GINS2: variants seen among roughly 807,000 people sequenced by gnomAD.
The protein encoded by GINS2 is GINS complex subunit 2.
A neutral mutation model predicts 21.2 loss-of-function variants in GINS2; 23 were observed. That is an observed-to-expected ratio of 1.08 (90% CI 0.78 to 1.53). The LOEUF (loss-of-function observed/expected upper bound fraction) is 1.53. Among genes scored for constraint, GINS2 ranks in the 40% most tolerant of loss-of-function variants. The pLI, the probability that GINS2 is intolerant of heterozygous loss-of-function variation, is 0.00. For missense variants in GINS2, 323 were observed against 233.9 expected (o/e 1.38, Z -2.49); for synonymous variants, 118 against 85.6 (o/e 1.38, Z -2.09).
At chr16:85,686,457 T>C (rs1390730180) in intron 2 of GINS2, among the ~76,000 whole-genome samples, 1 of 151,928 alleles carries the variant, frequency 6.6e-6, no homozygotes, top group Non-Finnish European at 1.5e-5. Flanking sequence ...GTAGCACTTG[T>C]GGGCTATTAA....
chr16:85,688,442 AG>A (rs1396169536), intron 1 of GINS2, among the ~76,000 whole-genome samples: 1 of 151,982 alleles, frequency 6.6e-6, no homozygotes, highest in Non-Finnish European at 1.5e-5. Context: ...GCTACTCAGG[AG>A]GCTGAGGCAG....
At chr16:85,680,092 A>G (rs1263400323) in intron 3 of GINS2, among the ~76,000 whole-genome samples, 4 of 152,172 alleles carry the variant, frequency 2.6e-5, no homozygotes, top group African/African-American at 7.2e-5. Flanking sequence ...ATGGACTGTC[A>G]AGAGCATTGG....
chr16:85,684,934 G>A (rs969979997), intron 2 of GINS2, among the ~76,000 whole-genome samples: 14 of 151,670 alleles, frequency 9.2e-5, no homozygotes, highest in African/African-American at 2.9e-4. Context: ...GATTACAGGC[G>A]CCCACCAAAC....
rs372512257 is a variant in GINS2, at chr16:85,678,237, T to C, written c.533A>G (p.Glu178Gly). The C allele has an allele frequency of 2.5e-6, 4 of 1,613,442 alleles. No individual in the cohort carries two copies. In the African/African-American group the frequency reaches 5.3e-5, roughly 22 times the overall value. ...YKLRTNLQPL[E>G]STQSQDF ...CTAGAAGTCCTGAGACTGAGTACTC[T>C]CCAGAGGCTGGAGGTTCGTGCGGAG... Residue 178 changes from glutamate to glycine, a missense_variant, in exon 5 of 5, where the codon GAG becomes GGG. Transcript: ENST00000253462.
intron 2 of GINS2, among the ~76,000 whole-genome samples, chr16:85,683,297 C>A (rs544530498): frequency 2.6e-5 from 4 of 152,066 alleles, no homozygotes; most frequent in African/African-American, 9.7e-5. Context: ...CAGCTCCCAA[C>A]CCCTTTCTTC....
chr16:85,680,282 G>T (rs1181994644), intron 3 of GINS2, among the ~76,000 whole-genome samples: 1 of 152,194 alleles, frequency 6.6e-6, no homozygotes, highest in Non-Finnish European at 1.5e-5. Flanking sequence ...ACAAGCCCAT[G>T]TTGTGTCCCC....
rs377677728 is a variant in GINS2 at position 85,678,276 on chromosome 16, T to A, written c.494A>T (p.Asn165Ile). 3.7e-6 allele frequency: 6 copies of A among 1,612,776 alleles called. No homozygotes were observed. In the African/African-American group the frequency reaches 8.0e-5, roughly 22 times the overall value. ...GTTCGTGCGGAGTTTGTACATGTGG[T>A]TGAGCGCTTGTGTGAGGAAAGTCCC... Reference protein sequence around the residue: ...TSGTFLTQALNHMYKLRTNLQ... With the variant: ...TSGTFLTQALIHMYKLRTNLQ... The change falls in exon 5 of 5, where the codon AAC becomes ATC. Residue 165 changes from asparagine to isoleucine, a missense_variant. Coordinates refer to ENST00000253462, the MANE Select transcript of GINS2 (RefSeq NM_016095.3).
rs1032210283 is a variant in GINS2, at chr16:85,678,018, A to C, written c.*194T>G. 3.9e-5 allele frequency: 20 copies of C among 518,398 alleles called. No homozygotes were observed. Among genetic ancestry groups the C allele is most frequent in the Non-Finnish European group, 6.5e-5 (19 of 293,754 alleles). The allele number at this position is 518,398 out of a possible 1,614,324, so 32.1% of individuals were successfully genotyped here. A position where few individuals can be genotyped will look rare whatever the true frequency, so the allele number is the denominator to read the frequency against. ...GTTTCTAGAAACAGATGTGGAATTG[A>C]AGAATGTCCCAGGGAGCTAAGTTTT... On this transcript the variant is annotated 3_prime_UTR_variant, in exon 5 of 5. Transcript: ENST00000253462.
Position 85,688,851 on chromosome 16 carries a change from G to A in GINS2, c.48C>T (p.Thr16=), listed in dbSNP as rs114568141. 6.5e-6 allele frequency: 10 copies of A among 1,546,146 alleles called. 1 individual carries two copies. The Admixed American group carries it at 7.9e-5, about 12-fold the overall frequency. The change falls in exon 1 of 5, where the codon ACC becomes ACT. Residue 16 remains threonine, a synonymous_variant. Coordinates refer to ENST00000253462, the MANE Select transcript of GINS2 (RefSeq NM_016095.3). ...VEFLAEKELV[T]IIPNFSLDKI... ...TGTCCAGACTGAAGTTGGGGATAAT[G>A]GTAACCAGCTCCTTCTCGGCGAGGA...
chr16:85,681,609 A>T lies in GINS2; in HGVS notation c.278T>A (p.Met93Lys). ...ATTTAACAGGAGCTTCGTAAGTTCCATGTAGTAAGGGCTGGGCATTGGGGT... is the reference window on the plus strand; with the variant it reads ...ATTTAACAGGAGCTTCGTAAGTTCCTTGTAGTAAGGGCTGGGCATTGGGGT... The part of the protein sequence containing the change: ...TFTPMPSPYY[M>K]ELTKLLLNHA... Residue 93 changes from methionine (M) to lysine (K), a missense_variant, in exon 3 of 5, where the codon ATG (methionine) becomes AAG (lysine). Met to Lys is a moderately conservative substitution (Grantham distance 95, BLOSUM62 -1). Transcript: ENST00000253462. 6.2e-7 allele frequency: 1 copy of T among 1,610,726 alleles called. No individual in the cohort carries two copies. Among genetic ancestry groups the T allele is most frequent in the Non-Finnish European group, 8.5e-7 (1 of 1,177,070 alleles).
At chr16:85,688,772 C>T (rs1288321579) in intron 1 of GINS2, 37 bp downstream of exon 1, 2 of 1,360,798 alleles carry the variant, frequency 1.5e-6, no homozygotes, top group East Asian at 5.9e-5. Flanking sequence ...ACGCGCCCAG[C>T]CCGGCCTCCC....
Position 85,685,854 on chromosome 16 carries a change from C to T in GINS2, c.205+1606G>A, listed in dbSNP as rs557393278. Among the ~76,000 whole-genome samples the T allele has an allele frequency of 7.3e-5, 11 of 151,428 alleles. No homozygotes were observed. In the South Asian group the frequency reaches 2.1e-3, roughly 29 times the overall value. ...AGCTCTTGCTTCTAGGAGGTAGGTACCCCCAATAAGTCCCAGTAAGGAGGG... is the reference window on the plus strand; with the variant it reads ...AGCTCTTGCTTCTAGGAGGTAGGTATCCCCAATAAGTCCCAGTAAGGAGGG... On this transcript the variant is annotated intron_variant, in intron 2 of 4. Transcript: ENST00000253462.
Position 85,677,770 on chromosome 16 carries a change from C to T in GINS2, c.*442G>A, listed in dbSNP as rs976653288. 1 of 159,846 alleles carries T rather than the reference C, an allele frequency of 6.3e-6. No homozygotes were observed. The highest frequency in any genetic ancestry group is 2.4e-5 in the African/African-American group (1 of 41,474). 9.9% of individuals were successfully genotyped at this position (159,846 alleles called of 1,614,324 possible). ...ATCTGCCATCCTTCTCTGTGAGCCA[C>T]CTCTGTGAGAGAGTCTAAATTCAGC... On this transcript the variant is annotated 3_prime_UTR_variant, in exon 5 of 5. Transcript: ENST00000253462.
intron 1 of GINS2, 59 bp from the exon 2 acceptor site, chr16:85,687,633 T>C (rs2053789162): frequency 1.1e-6 from 1 of 945,722 alleles, no homozygotes; most frequent in Non-Finnish European, 1.6e-6. Context: ...AGCATTACTG[T>C]GCGTTACTGC....
chr16:85,678,710 C>T (rs1178757498), intron 3 of GINS2, 44 bp from the exon 4 acceptor site: 1 of 1,594,978 alleles, frequency 6.3e-7, no homozygotes, highest in Non-Finnish European at 8.6e-7. Flanking sequence ...CACTTGATAA[C>T]CTGAGGCAAT....
At chr16:85,686,969 TA>T (rs2053782677) in intron 2 of GINS2, among the ~76,000 whole-genome samples, 1 of 152,262 alleles carries the variant, frequency 6.6e-6, no homozygotes, top group Non-Finnish European at 1.5e-5. Context: ...CTCACGCCTA[TA>T]ATCCCAGCAG....
At chr16:85,688,438 C>G (rs1309949733) in intron 1 of GINS2, among the ~76,000 whole-genome samples, 1 of 151,964 alleles carries the variant, frequency 6.6e-6, no homozygotes, top group Non-Finnish European at 1.5e-5. Flanking sequence ...AGCAGCTACT[C>G]AGGAGGCTGA....
intron 2 of GINS2, among the ~76,000 whole-genome samples, chr16:85,683,765 A>C (rs1331951859): frequency 2.6e-5 from 4 of 152,254 alleles, no homozygotes; most frequent in Admixed American, 2.0e-4. Flanking sequence ...CAGCAGAGTG[A>C]TCCTTTCATT....
intron 2 of GINS2, 44 bp from the exon 3 acceptor site, chr16:85,681,725 G>C (rs1415687887): frequency 7.4e-6 from 9 of 1,216,764 alleles, no homozygotes; most frequent in Non-Finnish European, 1.1e-5. Context: ...TTATAACCAA[G>C]ATATTTATTA....
Sources: allele counts gnomAD v4.1 joint callset (sites outside exome capture counted in the v4.1 genomes callset), GRCh38; gene constraint gnomAD v4.1.1; transcripts MANE v1.5; gene names NCBI Gene and HGNC (gene_info 2026-07-23, HGNC 2026-07-21).